Variants in FAM149B1 observed in about 807,000 individuals in gnomAD.
FAM149B1 encodes the protein family with sequence similarity 149 member B1.
In FAM149B1, 56 loss-of-function variants were observed where a neutral mutation model predicts 75.3. That is an observed-to-expected ratio of 0.74 (90% CI 0.60 to 0.93). The LOEUF is 0.93. Among genes scored for constraint, FAM149B1 ranks in the 40% least tolerant of loss-of-function variants. FAM149B1 has a pLI of 0.00. For synonymous variants in FAM149B1, 259 were observed against 256.1 expected (o/e 1.01, Z -0.11); for missense variants, 639 against 708.4 (o/e 0.90, Z 1.11).
At chr10:73,207,487 C>A (rs552166279) in intron 5 of FAM149B1, among the ~76,000 whole-genome samples, 1 of 151,980 alleles carries the variant, frequency 6.6e-6, no homozygotes, top group Non-Finnish European at 1.5e-5. Context: ...CTGCTTGAAC[C>A]CGGGAGGCAG....
At chr10:73,168,628 C>T (rs976761046) in intron 1 of FAM149B1, among the ~76,000 whole-genome samples, 46 of 152,228 alleles carry the variant, frequency 3.0e-4, no homozygotes, top group African/African-American at 1.1e-3. Flanking sequence ...TTGTAGCATC[C>T]GCAGTGCTTC....
At chr10:73,188,657 G>T (rs1308275659) in intron 3 of FAM149B1, among the ~76,000 whole-genome samples, 1 of 151,698 alleles carries the variant, frequency 6.6e-6, no homozygotes, top group African/African-American at 2.4e-5. Context: ...GGAGGTGGAG[G>T]TTGCAGTGAG....
chr10:73,235,399 G>T (rs1276675223), intron 12 of FAM149B1, 81 bp downstream of exon 12: 6 of 1,532,490 alleles, frequency 3.9e-6, no homozygotes, highest in Non-Finnish European at 5.3e-6. Context: ...GCAGACTTAA[G>T]ATTTTATCTA....
chr10:73,220,101 T>A (rs547980069), intron 7 of FAM149B1, among the ~76,000 whole-genome samples: 1 of 151,004 alleles, frequency 6.6e-6, no homozygotes, highest in South Asian at 2.1e-4. Flanking sequence ...GATAGATATT[T>A]CTCCAAAGAA....
chr10:73,194,530 C>A (rs545567259), intron 5 of FAM149B1, among the ~76,000 whole-genome samples: 57 of 151,938 alleles, frequency 3.8e-4, no homozygotes, highest in Non-Finnish European at 5.7e-4. Flanking sequence ...GTAGCTGGGA[C>A]TGCAGGTGTG....
chr10:73,194,218 G>C (rs2042745137), intron 5 of FAM149B1, among the ~76,000 whole-genome samples: 1 of 151,852 alleles, frequency 6.6e-6, no homozygotes, highest in Non-Finnish European at 1.5e-5. Context: ...TAGTGCTTAA[G>C]GATATTCTTA....
intron 12 of FAM149B1, among the ~76,000 whole-genome samples, chr10:73,236,302 C>G (rs1449811664): frequency 1.3e-5 from 2 of 152,148 alleles, no homozygotes; most frequent in South Asian, 2.1e-4. Context: ...CAGAGCTATG[C>G]TCCCTTTGCA....
chr10:73,187,880 C>T (rs1365496909), intron 3 of FAM149B1, among the ~76,000 whole-genome samples: 6 of 152,058 alleles, frequency 3.9e-5, no homozygotes, highest in African/African-American at 9.7e-5. Flanking sequence ...GTCAGGAGTT[C>T]GAGACCAGCC....
rs967008258 is a variant in FAM149B1 at position 73,241,007 on chromosome 10, G to A, written c.1737G>A (p.Arg579=). 1.9e-6 allele frequency: 3 copies of A among 1,538,916 alleles called. No individual in the cohort carries two copies. The African/African-American group carries it at 4.3e-5, about 22-fold the overall frequency. ...QSGGRPVSRT[R]QGP ...GAGGCAGACCAGTCTCTCGAACCAG[G>A]CAGGGACCATAAGGCAAATGAGAAG... is the stretch of plus-strand genomic sequence containing the variant. The change falls in exon 14 of 14, where the codon AGG becomes AGA. Residue 579 remains arginine, a synonymous_variant. Coordinates refer to ENST00000242505, the MANE Select transcript of FAM149B1 (RefSeq NM_173348.2).
chr10:73,222,560 C>T (rs1275931121), intron 7 of FAM149B1, among the ~76,000 whole-genome samples: 3 of 152,158 alleles, frequency 2.0e-5, no homozygotes, highest in Non-Finnish European at 4.4e-5. Context: ...ATACTCTGTT[C>T]TATGAATCCG....
chr10:73,191,103 C>T (rs558184390), intron 3 of FAM149B1, among the ~76,000 whole-genome samples: 3 of 152,146 alleles, frequency 2.0e-5, no homozygotes, highest in South Asian at 4.1e-4. Context: ...TGCAATGGCA[C>T]GATCTTGGCT....
rs550793605 is a variant in FAM149B1 at position 73,195,687 on chromosome 10, C to T, written c.542+2094C>T. Among the ~76,000 whole-genome samples, 4 of 152,178 alleles carry T rather than the reference C, an allele frequency of 2.6e-5. No individual in the cohort carries two copies. The South Asian group carries it at 8.3e-4, about 31-fold the overall frequency. On this transcript the variant is annotated intron_variant, in intron 5 of 13. Transcript: ENST00000242505. ...GACTATATCACCATTCTGCAACATA[C>T]TGCTAATACCCTTTCTTTCCTTTTT...
chr10:73,173,334 T>C (rs774400507), intron 1 of FAM149B1, among the ~76,000 whole-genome samples: 2 of 152,226 alleles, frequency 1.3e-5, no homozygotes, highest in Non-Finnish European at 2.9e-5. Context: ...ATCCAGTTTT[T>C]ACATCCACTC....
rs112273035 is a variant in FAM149B1 at position 73,234,836 on chromosome 10, C to A, written c.1372C>A (p.Leu458Ile). ...CTGCAGCCCAGTGGCACCCGACTCGCTCTCCTCTCCCTCACCGACGCCCCT... is the reference window on the plus strand; with the variant it reads ...CTGCAGCCCAGTGGCACCCGACTCGATCTCCTCTCCCTCACCGACGCCCCT... Reference protein sequence around the residue: ...GARVPVAPDSLSSPSPTPLSR... With the variant: ...GARVPVAPDSISSPSPTPLSR... Residue 458 changes from leucine to isoleucine, a missense_variant, in exon 11 of 14, where the codon CTC (leucine) becomes ATC (isoleucine). Transcript: ENST00000242505. The A allele has an allele frequency of 5.2e-6, 8 of 1,551,644 alleles. No homozygotes were observed. Among genetic ancestry groups the A allele is most frequent in the African/African-American group, 2.7e-5 (2 of 73,144 alleles).
rs2043673023 is a variant in FAM149B1 at position 73,230,738 on chromosome 10, A to G, written c.1127+213A>G. The G allele has an allele frequency of 6.6e-6, 3 of 457,036 alleles. No individual in the cohort carries two copies. The East Asian group carries it at 1.1e-4, about 17-fold the overall frequency. 28.3% of individuals were successfully genotyped at this position (457,036 alleles called of 1,614,324 possible). A position where few individuals can be genotyped will look rare whatever the true frequency, so the allele number is the denominator to read the frequency against. On this transcript the variant is annotated intron_variant, in intron 9 of 13. Coordinates refer to ENST00000242505, the MANE Select transcript of FAM149B1 (RefSeq NM_173348.2). The stretch of plus-strand genomic sequence containing the variant: ...TACGTGGGTAAAAAAAGACCTAACC[A>G]TATGTGGCATTTTTGTAACTGAGTG...
At chr10:73,174,043 TA>T (rs1486807896) in intron 1 of FAM149B1, among the ~76,000 whole-genome samples, 1 of 152,224 alleles carries the variant, frequency 6.6e-6, no homozygotes, top group African/African-American at 2.4e-5. Context: ...AATATTTCAT[TA>T]TGTGGAAATA....
At position 73,192,576 on chromosome 10, in the gene FAM149B1, T is replaced by C. The variant is rs1246347733; in HGVS notation, c.303T>C (p.Thr101=). 2 of 1,551,138 alleles carry C rather than the reference T, an allele frequency of 1.3e-6. No individual in the cohort carries two copies. The highest frequency in any genetic ancestry group is 2.4e-5 in the South Asian group (2 of 83,716). ...WGYGELDQNA[T]EKVQTMFTAI... is the part of the protein sequence containing the mutation. ...TCTAGGAACTCGATCAAAATGCCAC[T>C]GAAAAAGTCCAGACAATGTTCACAG... Residue 101 remains threonine (T), a synonymous_variant, in exon 4 of 14, where the codon ACT becomes ACC. Coordinates refer to ENST00000242505, the MANE Select transcript of FAM149B1 (RefSeq NM_173348.2).
intron 3 of FAM149B1, 78 bp downstream of exon 3, chr10:73,178,053 C>A: frequency 7.6e-7 from 1 of 1,316,782 alleles, no homozygotes; most frequent in Non-Finnish European, 1.0e-6. Context: ...ATATTTCATT[C>A]CTTCACTCTC....
chr10:73,231,376 A>T (rs555923432), intron 9 of FAM149B1: 1 of 152,168 alleles, frequency 6.6e-6, no homozygotes, highest in Non-Finnish European at 1.5e-5. Context: ...TAGCACAGGT[A>T]TATGTTTAGT....
Sources: allele counts gnomAD v4.1 joint callset (sites outside exome capture counted in the v4.1 genomes callset), GRCh38; gene constraint gnomAD v4.1.1; transcripts MANE v1.5; gene names NCBI Gene and HGNC (gene_info 2026-07-23, HGNC 2026-07-21).